ZNF33B: variants seen among roughly 807,000 people sequenced by gnomAD.
ZNF33B encodes the protein zinc finger protein 33B.
Under a neutral mutation model 45.8 loss-of-function variants are expected in ZNF33B, and 29 were observed. That is an observed-to-expected ratio of 0.63 (90% CI 0.47 to 0.86). The LOEUF (loss-of-function observed/expected upper bound fraction) is 0.86, where lower values mean the gene tolerates loss of function less well. Among genes scored for constraint, ZNF33B ranks in the 40% least tolerant of loss-of-function variants. The probability of loss-of-function intolerance (pLI) is 0.00; values close to 1 mark genes in which losing one functional copy is unlikely to be tolerated. For synonymous variants in ZNF33B, 305 were observed against 307.8 expected, an observed-to-expected ratio of 0.99 and a Z score of 0.10; for missense variants, 831 against 909.9, an observed-to-expected ratio of 0.91 and a Z score of 1.12.
At chr10:42,632,190 C>A (rs1396986327) in intron 3 of ZNF33B, 105 bp downstream of exon 3, 2 of 1,529,738 alleles carry the variant, frequency 1.3e-6, no homozygotes, top group African/African-American at 1.4e-5. Context: ...CTCCTGAAGC[C>A]TAACCTAAGC....
chr10:42,592,802 T>G lies in ZNF33B; in HGVS notation c.2148A>C (p.Thr716=). 1 of 1,614,160 alleles carries G rather than the reference T, an allele frequency of 6.2e-7. No homozygotes were observed. The highest frequency in any genetic ancestry group is 8.5e-7 in the Non-Finnish European group (1 of 1,179,996). ...CATTACACTGACAAGATTTCTCTCCTGTGTGAGCCCTGTGATGTACTGTGA... is the reference window on the plus strand; with the variant it reads ...CATTACACTGACAAGATTTCTCTCCGGTGTGAGCCCTGTGATGTACTGTGA... The part of the protein sequence containing the change: ...SSLTVHHRAH[T]GEKSCQCNEC... Residue 716 remains threonine, a synonymous_variant, in exon 5 of 5, where the codon ACA becomes ACC. Coordinates refer to ENST00000359467, the MANE Select transcript of ZNF33B (RefSeq NM_006955.3).
downstream of ZNF33B, among the ~76,000 whole-genome samples, chr10:42,584,290 G>C (rs1033298399): frequency 2.0e-5 from 3 of 152,332 alleles, no homozygotes; most frequent in African/African-American, 7.2e-5. Context: ...TAGCCTGGGA[G>C]TTCTGCCCTT....
intron 1 of ZNF33B, among the ~76,000 whole-genome samples, chr10:42,638,209 C>G (rs1839422941): frequency 6.6e-6 from 1 of 152,274 alleles, no homozygotes; most frequent in Admixed American, 6.5e-5. Context: ...CAAGGCTCAG[C>G]GCTCGGACCG....
At chr10:42,631,713 A>C (rs1246237243) in intron 4 of ZNF33B, 1 of 511,872 alleles carries the variant, frequency 2.0e-6, no homozygotes, top group African/African-American at 1.9e-5. Context: ...AGGTGTAAGA[A>C]TGGTAAACCT....
At chr10:42,584,408 G>C (rs1412634502), downstream of ZNF33B, among the ~76,000 whole-genome samples, 6 of 152,148 alleles carry the variant, frequency 3.9e-5, no homozygotes, top group African/African-American at 1.2e-4. Flanking sequence ...GCAGCCCCAG[G>C]GTGTGGTGGT....
intron 1 of ZNF33B, among the ~76,000 whole-genome samples, chr10:42,637,532 G>A (rs1379662086): frequency 6.6e-6 from 1 of 152,228 alleles, no homozygotes; most frequent in East Asian, 1.9e-4. Context: ...GGGGTCAGGA[G>A]AAGTGACTTT....
chr10:42,613,692 T>G (rs1357966031), intron 4 of ZNF33B, among the ~76,000 whole-genome samples: 1 of 152,210 alleles, frequency 6.6e-6, no homozygotes. Flanking sequence ...GGTTTAAGTA[T>G]AAACACATGT....
intron 4 of ZNF33B, among the ~76,000 whole-genome samples, chr10:42,603,169 T>A (rs1355247016): frequency 6.6e-6 from 1 of 152,058 alleles, no homozygotes; most frequent in Non-Finnish European, 1.5e-5. Context: ...TAAAGCACAG[T>A]ATCACCCACC....
intron 1 of ZNF33B, chr10:42,583,524 C>T (rs1424348788): frequency 1.7e-5 from 4 of 240,262 alleles, no homozygotes; most frequent in African/African-American, 2.2e-5. Context: ...GTGTCTTATT[C>T]GTCTTATGTC....
Position 42,594,315 on chromosome 10 carries a change from A to G in ZNF33B, c.635T>C (p.Ile212Thr). 1 of 1,613,872 alleles carries G rather than the reference A, an allele frequency of 6.2e-7. No homozygotes were observed. The highest frequency in any genetic ancestry group is 8.5e-7 in the Non-Finnish European group (1 of 1,179,872). ...HRENTLQHEK[I>T]QTLDHNFEYS... ...TTCAAAATTGTGGTCTAAAGTTTGAATCTTCTCATGCTGCAAAGTGTTCTC... is the reference window on the plus strand; with the variant it reads ...TTCAAAATTGTGGTCTAAAGTTTGAGTCTTCTCATGCTGCAAAGTGTTCTC... Residue 212 changes from isoleucine (I) to threonine (T), a missense_variant, in exon 5 of 5, where the codon ATT becomes ACT. Coordinates refer to ENST00000359467, the MANE Select transcript of ZNF33B (RefSeq NM_006955.3).
chr10:42,615,496 T>G (rs932331398), intron 4 of ZNF33B, among the ~76,000 whole-genome samples: 1 of 152,218 alleles, frequency 6.6e-6, no homozygotes, highest in African/African-American at 2.4e-5. Context: ...CCCATTTTTA[T>G]GAAACATCCA....
At chr10:42,636,994 G>T (rs1275213702) in intron 1 of ZNF33B, 22 bp from the exon 2 acceptor site, 3 of 1,612,766 alleles carry the variant, frequency 1.9e-6, no homozygotes, top group Non-Finnish European at 1.7e-6. Flanking sequence ...AAAGAGGAAT[G>T]GGGTCATGAA....
chr10:42,626,051 A>T (rs1200056930), intron 4 of ZNF33B, among the ~76,000 whole-genome samples: 1 of 152,254 alleles, frequency 6.6e-6, no homozygotes, highest in African/African-American at 2.4e-5. Flanking sequence ...ACTGAGGAAG[A>T]TCCTCTTAAT....
intron 4 of ZNF33B, among the ~76,000 whole-genome samples, chr10:42,612,780 A>G (rs964555591): frequency 6.6e-6 from 1 of 152,228 alleles, no homozygotes; most frequent in Admixed American, 6.5e-5. Flanking sequence ...GAACTGGTAT[A>G]TTTCTTCCTT....
intron 1 of ZNF33B, chr10:42,582,786 C>T (rs757703623): frequency 6.5e-5 from 14 of 216,324 alleles, no homozygotes; most frequent in Middle Eastern, 1.0e-3. Flanking sequence ...GGACGCTCCT[C>T]GGGAGGACAG....
chr10:42,634,922 G>T (rs938350458), intron 2 of ZNF33B, among the ~76,000 whole-genome samples: 4 of 152,174 alleles, frequency 2.6e-5, no homozygotes, highest in Non-Finnish European at 4.4e-5. Flanking sequence ...CTAATCTAGG[G>T]ATTGGTAAAC....
chr10:42,609,310 T>C (rs1340489393), intron 4 of ZNF33B, among the ~76,000 whole-genome samples: 1 of 152,084 alleles, frequency 6.6e-6, no homozygotes, highest in Non-Finnish European at 1.5e-5. Context: ...TCCCAGCTAC[T>C]TGGGAGGCTG....
At position 42,592,960 on chromosome 10, in the gene ZNF33B, G is replaced by A; in HGVS notation, c.1990C>T (p.Pro664Ser). 6.2e-7 allele frequency: 1 copy of A among 1,613,732 alleles called. No homozygotes were observed. The highest frequency in any genetic ancestry group is 8.5e-7 in the Non-Finnish European group (1 of 1,179,930). The change falls in exon 5 of 5, where the codon CCT becomes TCT. Residue 664 changes from proline (P) to serine (S), a missense_variant. By Grantham distance (74) the Pro-to-Ser change is moderately conservative (BLOSUM62 -1). Coordinates refer to ENST00000359467, the MANE Select transcript of ZNF33B (RefSeq NM_006955.3). ...VHQRTHTQEKPYKCNECGKSF... is the reference protein window; with the variant it reads ...VHQRTHTQEKSYKCNECGKSF... ...TTTCCACATTCGTTACATTTATAAGGCTTTTCTTGTGTATGGGTTCTCTGA... is the reference window on the plus strand; with the variant it reads ...TTTCCACATTCGTTACATTTATAAGACTTTTCTTGTGTATGGGTTCTCTGA...
intron 4 of ZNF33B, among the ~76,000 whole-genome samples, chr10:42,628,310 C>T (rs1390529138): frequency 6.6e-6 from 1 of 152,310 alleles, no homozygotes; most frequent in Non-Finnish European, 1.5e-5. Context: ...GACACCGCAC[C>T]TGGCCTTGTT....
Sources: gnomAD v4.1 joint callset for allele counts (sites outside exome capture counted in the v4.1 genomes callset) on GRCh38, gnomAD v4.1.1 for gene constraint, MANE v1.5 for transcripts, NCBI Gene and HGNC (gene_info 2026-07-23, HGNC 2026-07-21) for gene names.